The following FAM81B variants were observed in gnomAD, a reference collection of about 807,000 sequenced individuals.
FAM81B encodes the protein family with sequence similarity 81 member B, also known as protein FAM81B.
FAM81B carries 60 observed loss-of-function variants against 58.7 expected under a neutral mutation model. The observed-to-expected ratio is 1.02, with a 90% CI of 0.83 to 1.27. The LOEUF (loss-of-function observed/expected upper bound fraction) is 1.27, where lower values mean the gene tolerates loss of function less well. Ranked by LOEUF, FAM81B falls within the 50% of genes most tolerant of loss-of-function variation. FAM81B has a pLI of 0.00. For synonymous variants in FAM81B, 189 were observed against 179.6 expected (o/e 1.05, Z -0.42); for missense variants, 491 against 522.0 (o/e 0.94, Z 0.58).
intron 7 of FAM81B, among the ~76,000 whole-genome samples, chr5:95,445,882 C>G (rs537053475): frequency 6.6e-6 from 1 of 152,290 alleles, no homozygotes; most frequent in Admixed American, 6.5e-5. Flanking sequence ...TCTGCCCCTG[C>G]TCCTCTCCCA....
intron 6 of FAM81B, among the ~76,000 whole-genome samples, chr5:95,436,008 CT>C (rs1228110924): frequency 2.0e-5 from 3 of 152,138 alleles, no homozygotes; most frequent in African/African-American, 7.2e-5. Context: ...GCCCACTCTC[CT>C]CCATATGACC....
chr5:95,405,298 G>A (rs182842523), intron 3 of FAM81B, among the ~76,000 whole-genome samples: 9 of 152,270 alleles, frequency 5.9e-5, no homozygotes, highest in African/African-American at 9.6e-5. Flanking sequence ...GTTTCAAATC[G>A]TGACCCTGAA....
intron 3 of FAM81B, among the ~76,000 whole-genome samples, chr5:95,400,028 T>C (rs1442131010): frequency 1.3e-5 from 2 of 152,172 alleles, no homozygotes; most frequent in Non-Finnish European, 2.9e-5. Context: ...ATTTTACTCA[T>C]GCCACAGGGT....
intron 9 of FAM81B, chr5:95,448,856 A>G (rs1048421585): frequency 2.5e-6 from 1 of 394,300 alleles, no homozygotes. Context: ...ACAAGTAATG[A>G]GCTTGGACAG....
At chr5:95,430,746 A>T (rs1027061420) in intron 6 of FAM81B, among the ~76,000 whole-genome samples, 18 of 152,078 alleles carry the variant, frequency 1.2e-4, no homozygotes. Context: ...GAGAGAGTAC[A>T]TGTGTGTTGT....
At chr5:95,417,740 A>G (rs1021895720) in intron 4 of FAM81B, among the ~76,000 whole-genome samples, 2 of 152,188 alleles carry the variant, frequency 1.3e-5, no homozygotes, top group Non-Finnish European at 2.9e-5. Flanking sequence ...AAATACTCCT[A>G]TGATTTCAAA....
At chr5:95,445,659 A>T (rs1268094603) in intron 7 of FAM81B, among the ~76,000 whole-genome samples, 3 of 152,072 alleles carry the variant, frequency 2.0e-5, no homozygotes, top group African/African-American at 7.2e-5. Context: ...TTTGCCCCAC[A>T]TGAGTAATTC....
chr5:95,436,940 T>C (rs759692887), intron 7 of FAM81B, 34 bp downstream of exon 7: 2 of 1,535,212 alleles, frequency 1.3e-6, no homozygotes, highest in Non-Finnish European at 1.8e-6. Context: ...TTCTGTTAAG[T>C]GCATTCCAAA....
At chr5:95,395,197 C>G (rs1582777567) in intron 2 of FAM81B, among the ~76,000 whole-genome samples, 1 of 151,866 alleles carries the variant, frequency 6.6e-6, no homozygotes, top group African/African-American at 2.4e-5. Flanking sequence ...CCCAGCACTT[C>G]GGGAGGCTGA....
chr5:95,430,413 GTATA>G (rs1744826268), intron 6 of FAM81B, among the ~76,000 whole-genome samples: 1 of 146,340 alleles, frequency 6.8e-6, no homozygotes, highest in South Asian at 2.1e-4. Context: ...TAAATAAATA[GTATA>G]TATATAGAGC....
At chr5:95,436,214 G>T (rs1745094452) in intron 6 of FAM81B, among the ~76,000 whole-genome samples, 1 of 152,136 alleles carries the variant, frequency 6.6e-6, no homozygotes, top group South Asian at 2.1e-4. Context: ...TCTAAAACTG[G>T]AATTTGTTTT....
intron 7 of FAM81B, among the ~76,000 whole-genome samples, chr5:95,437,680 T>C (rs530522371): frequency 1.3e-5 from 2 of 152,204 alleles, no homozygotes; most frequent in South Asian, 4.1e-4. Context: ...CATCTTAAAC[T>C]GAATTTTTTC....
chr5:95,427,019 A>T lies in FAM81B; in HGVS notation c.657-1584A>T, dbSNP rs761795636. On this transcript the variant is annotated intron_variant, in intron 5 of 9. Transcript: ENST00000283357. ...AGCCGAGATTGTGCCACTGCACTCC[A>T]GCCTGGGCGATAGAGCAAGACTCCG... is the stretch of plus-strand genomic sequence containing the variant. Among the ~76,000 whole-genome samples the T allele has an allele frequency of 3.9e-5, 6 of 152,200 alleles. No individual in the cohort carries two copies. The East Asian group carries it at 9.7e-4, about 24-fold the overall frequency.
chr5:95,404,636 C>A (rs1401598431), intron 3 of FAM81B, among the ~76,000 whole-genome samples: 1 of 151,910 alleles, frequency 6.6e-6, no homozygotes, highest in African/African-American at 2.4e-5. Flanking sequence ...AGTTTTCCAA[C>A]AACTGAGCCT....
intron 3 of FAM81B, among the ~76,000 whole-genome samples, chr5:95,405,626 A>C (rs1424341716): frequency 1.3e-5 from 2 of 152,100 alleles, no homozygotes; most frequent in Non-Finnish European, 2.9e-5. Context: ...TAGGTTAATT[A>C]CTTTTAAAAA....
intron 3 of FAM81B, among the ~76,000 whole-genome samples, chr5:95,405,288 G>A (rs1049700383): frequency 6.6e-6 from 1 of 152,174 alleles, no homozygotes. Flanking sequence ...GAATCTGTGA[G>A]TTTCAAATCG....
At chr5:95,428,419 C>T (rs1762907440) in intron 5 of FAM81B, among the ~76,000 whole-genome samples, 184 bp from the exon 6 acceptor site, 1 of 152,186 alleles carries the variant, frequency 6.6e-6, no homozygotes, top group South Asian at 2.1e-4. Context: ...AACCTGGTTT[C>T]TCTCTCATCA....
chr5:95,437,755 T>G (rs975839226), intron 7 of FAM81B, among the ~76,000 whole-genome samples: 5 of 152,158 alleles, frequency 3.3e-5, no homozygotes, highest in Admixed American at 2.6e-4. Flanking sequence ...CTGGCTTCCT[T>G]ATTATCAAAT....
rs766329148 is a variant in FAM81B, at chr5:95,436,923, T to C, written c.893+17T>C. 3 of 1,584,746 alleles carry C rather than the reference T, an allele frequency of 1.9e-6. No homozygotes were observed. The highest frequency in any genetic ancestry group is 2.6e-6 in the Non-Finnish European group (3 of 1,153,366). ...GGAATTCAAGTAAGTGAATAGAAGATTTTTAATTCTGTTAAGTGCATTCCA... is the reference window on the plus strand; with the variant it reads ...GGAATTCAAGTAAGTGAATAGAAGACTTTTAATTCTGTTAAGTGCATTCCA... On this transcript the variant is annotated intron_variant, in intron 7 of 9. Transcript: ENST00000283357.
Sources: allele counts gnomAD v4.1 joint callset (sites outside exome capture counted in the v4.1 genomes callset), GRCh38; gene constraint gnomAD v4.1.1; transcripts MANE v1.5; gene names NCBI Gene and HGNC (gene_info 2026-07-23, HGNC 2026-07-21).